Variants in SCN1A observed in about 807,000 individuals in gnomAD.
SCN1A encodes sodium channel protein type 1 subunit alpha.
In SCN1A, 13 loss-of-function variants were observed where a neutral mutation model predicts 193.7. The ratio of observed to expected loss-of-function variants is 0.07; its 90% CI spans 0.04 to 0.11. The LOEUF (loss-of-function observed/expected upper bound fraction) is 0.11. Ranked by LOEUF, SCN1A falls within the 10% of genes least tolerant of loss-of-function variation. The pLI, the probability that SCN1A is intolerant of heterozygous loss-of-function variation, is 1.00. For synonymous variants in SCN1A, 781 were observed against 843.6 expected, an observed-to-expected ratio of 0.93 and a Z score of 1.29; for missense variants, 1,432 against 2,451.1, an observed-to-expected ratio of 0.58 and a Z score of 8.78.
Position 166,051,934 on chromosome 2 carries a change from A to G in SCN1A, c.749T>C (p.Val250Ala). The G allele has an allele frequency of 3.1e-6, 5 of 1,612,416 alleles. No homozygotes were observed. Among genetic ancestry groups the G allele is most frequent in the Non-Finnish European group, 4.2e-6 (5 of 1,178,870 alleles). The change falls in exon 9 of 29, where the codon GTA becomes GCA. Residue 250 changes from valine to alanine, a missense_variant. Val to Ala is a moderately conservative substitution (Grantham distance 64, BLOSUM62 0). Transcript: ENST00000674923. ...CAGACAGAACACAGTCAGGATCATT[A>G]CATCTGAGAGCTTCTTCACAGACTG... ...LIQSVKKLSD[V>A]MILTVFCLSV... is the part of the protein sequence containing the mutation.
At chr2:166,140,803 G>A (rs558522902) in intron 1 of SCN1A, among the ~76,000 whole-genome samples, 3 of 152,160 alleles carry the variant, frequency 2.0e-5, no homozygotes, top group East Asian at 3.9e-4. Context: ...GTGCTTTTCG[G>A]CTCTGCTTGA....
intron 5 of SCN1A, among the ~76,000 whole-genome samples, chr2:166,057,785 T>C (rs1392958401): frequency 6.6e-6 from 1 of 152,038 alleles, no homozygotes; most frequent in Non-Finnish European, 1.5e-5. Flanking sequence ...TATTTTAATA[T>C]CTATTATTGT....
chr2:166,112,198 C>A (rs935621877), intron 2 of SCN1A, among the ~76,000 whole-genome samples: 2 of 152,076 alleles, frequency 1.3e-5, no homozygotes, highest in Admixed American at 6.6e-5. Flanking sequence ...ACGTGGCAAA[C>A]TTCATTGTTG....
At chr2:166,061,252 G>A (rs975499056) in intron 4 of SCN1A, among the ~76,000 whole-genome samples, 5 of 152,090 alleles carry the variant, frequency 3.3e-5, no homozygotes, top group African/African-American at 1.2e-4. Flanking sequence ...GACAAGGAGT[G>A]GTAAAGTAAA....
At position 166,038,097 on chromosome 2, in the gene SCN1A, C is replaced by T. The variant is rs990811788; in HGVS notation, c.2625G>A (p.Thr875=). 1.4e-5 allele frequency: 23 copies of T among 1,612,956 alleles called. No homozygotes were observed. The East Asian group carries it at 4.2e-4, about 30-fold the overall frequency. The change falls in exon 18 of 29, where the codon ACG becomes ACA. Residue 875 remains threonine, a synonymous_variant. Transcript: ENST00000674923. ...RVFKLAKSWP[T]LNMLIKIIGN... ...CGATGATCTTTATTAGCATATTTAA[C>T]GTTGGCCAAGATTTTGCCAACTTGA... is the stretch of plus-strand genomic sequence containing the variant.
intron 11 of SCN1A, 136 bp downstream of exon 11, chr2:166,047,491 A>G (rs546292422): frequency 5.2e-5 from 50 of 968,938 alleles, no homozygotes; most frequent in Non-Finnish European, 7.5e-5. Flanking sequence ...GTTATAATCA[A>G]TAGGATAGAG....
intron 3 of SCN1A, among the ~76,000 whole-genome samples, chr2:166,074,179 C>T (rs1559286642): frequency 6.6e-6 from 1 of 152,180 alleles, no homozygotes; most frequent in Non-Finnish European, 1.5e-5. Flanking sequence ...TTATTGCTGT[C>T]TTGACTGGGC....
At chr2:166,100,081 C>T (rs1230420435) in intron 2 of SCN1A, among the ~76,000 whole-genome samples, 3 of 129,444 alleles carry the variant, frequency 2.3e-5, no homozygotes, top group African/African-American at 8.1e-5. Context: ...AAGAACAAAG[C>T]TGGAGGCATC....
rs760034595 is a variant in SCN1A, at chr2:166,043,649, A to T, written c.2043+20T>A. 90 of 1,607,748 alleles carry T rather than the reference A, an allele frequency of 5.6e-5. No homozygotes were observed. The highest frequency in any genetic ancestry group is 7.5e-5 in the Non-Finnish European group (88 of 1,176,406). On this transcript the variant is annotated intron_variant, in intron 14 of 28. Transcript: ENST00000674923. The stretch of plus-strand genomic sequence containing the variant: ...GCAATAGTGAGCCAGCCATGCCTGA[A>T]CTATTTAAAACTTCCTTACATTGTC...
intron 23 of SCN1A, 53 bp from the exon 24 acceptor site, chr2:166,002,806 GA>G (rs923503449): frequency 1.2e-5 from 18 of 1,481,872 alleles, no homozygotes; most frequent in South Asian, 5.2e-5. Context: ...TGTTAATAAA[GA>G]AAAAAAATTC....
intron 26 of SCN1A, among the ~76,000 whole-genome samples, chr2:165,997,389 A>G (rs1690226158): frequency 1.3e-5 from 2 of 151,416 alleles, no homozygotes; most frequent in Non-Finnish European, 3.0e-5. Flanking sequence ...AACAGAAAAC[A>G]AAATGTGAAT....
chr2:166,048,956 G>GA lies in SCN1A; in HGVS notation c.965-8dup. ...TCCAGGAAATAATGATATCCTGTTT[G>GA]AAAAAAGAAAGTCGTATGATGAACA... On this transcript the variant is annotated splice_polypyrimidine_tract_variant and splice_region_variant and intron_variant, in intron 9 of 28. Transcript: ENST00000674923. 1 of 1,580,272 alleles carries GA rather than the reference G, an allele frequency of 6.3e-7. No individual in the cohort carries two copies. The highest frequency in any genetic ancestry group is 8.7e-7 in the Non-Finnish European group (1 of 1,150,266).
At chr2:166,088,754 T>C (rs1418206747) in intron 2 of SCN1A, among the ~76,000 whole-genome samples, 1 of 152,208 alleles carries the variant, frequency 6.6e-6, no homozygotes, top group African/African-American at 2.4e-5. Flanking sequence ...CAAGTTGGCC[T>C]AGAAGAGTAC....
At chr2:166,115,597 AATT>A (rs1250827754) in intron 2 of SCN1A, among the ~76,000 whole-genome samples, 4 of 152,228 alleles carry the variant, frequency 2.6e-5, no homozygotes, top group African/African-American at 7.2e-5. Context: ...GAATTATTTA[AATT>A]ATTATATGCT....
In SCN1A at chr2:166,054,729, T is replaced by C. The variant is rs546641348; in HGVS notation, c.511A>G (p.Ile171Val). 2 of 1,611,536 alleles carry C rather than the reference T, an allele frequency of 1.2e-6. No homozygotes were observed. Among genetic ancestry groups the C allele is most frequent in the East Asian group, 2.2e-5 (1 of 44,780 alleles). ...CAGAATCCCCTTGCAATAATTTTTA[T>C]AAGTGATTCAAAAGTATATATTCCT... Reference protein sequence around the residue: ...FTGIYTFESLIKIIARGFCLE... With the variant: ...FTGIYTFESLVKIIARGFCLE... Residue 171 changes from isoleucine to valine, a missense_variant, in exon 7 of 29, where the codon ATA (isoleucine) becomes GTA (valine). Ile to Val is a conservative substitution (Grantham distance 29). This residue lies in a region of SCN1A where 123 missense variants were observed against 282.8 expected (regional missense o/e 0.43). Transcript: ENST00000674923.
At chr2:166,097,758 T>C (rs1272286320) in intron 2 of SCN1A, among the ~76,000 whole-genome samples, 7 of 152,138 alleles carry the variant, frequency 4.6e-5, no homozygotes, top group Non-Finnish European at 7.4e-5. Context: ...TTTAAAAATA[T>C]TTTGTAGGGA....
chr2:166,130,604 T>C (rs1234556823), upstream of SCN1A, among the ~76,000 whole-genome samples: 1 of 152,222 alleles, frequency 6.6e-6, no homozygotes, highest in African/African-American at 2.4e-5. Flanking sequence ...TTTTGTTAAT[T>C]ATAGAACAAT....
upstream of SCN1A, among the ~76,000 whole-genome samples, chr2:166,131,071 T>A (rs1409840134): frequency 1.3e-5 from 2 of 152,148 alleles, no homozygotes; most frequent in Non-Finnish European, 2.9e-5. Context: ...TTTTATTTAT[T>A]TTTTTGTAGA....
In SCN1A at chr2:166,052,219, A is replaced by G. The variant is rs1399224013; in HGVS notation, c.695-231T>C. Among the ~76,000 whole-genome samples the G allele has an allele frequency of 2.6e-5, 4 of 152,156 alleles. No homozygotes were observed. The East Asian group carries it at 7.7e-4, about 29-fold the overall frequency. ...ATATCCCATTATGTCGAGATAGAGT[A>G]ATGGAAGGTTCATGTTCTTCATGGA... On this transcript the variant is annotated intron_variant, in intron 8 of 28. Coordinates refer to ENST00000674923, the MANE Select transcript of SCN1A (RefSeq NM_001165963.4).
Sources: allele counts gnomAD v4.1 joint callset (sites outside exome capture counted in the v4.1 genomes callset), GRCh38; gene constraint gnomAD v4.1.1; regional missense constraint gnomAD v4.1.1; transcripts MANE v1.5; gene names NCBI Gene and HGNC (gene_info 2026-07-23, HGNC 2026-07-21).